Variants in USP26 observed in about 807,000 individuals in gnomAD.
USP26 encodes the protein ubiquitin carboxyl-terminal hydrolase 26.
For missense variants in USP26, 649 were observed against 642.3 expected, an observed-to-expected ratio of 1.01 and a Z score of -0.11; for synonymous variants, 236 against 240.6, an observed-to-expected ratio of 0.98 and a Z score of 0.18.
At chrX:133,054,119 G>A (rs1458621111) in intron 5 of USP26, among the ~76,000 whole-genome samples, 2 of 111,657 alleles carry the variant, frequency 1.8e-5, no homozygotes, top group African/African-American at 6.5e-5. Context: ...CTATTTTCTA[G>A]TCCTTACAGT....
intron 5 of USP26, among the ~76,000 whole-genome samples, chrX:133,075,085 CA>C (rs2067543278): frequency 1.8e-5 from 2 of 111,379 alleles, no homozygotes; most frequent in South Asian, 7.7e-4. Flanking sequence ...TGTGTCCTCC[CA>C]CTTTTATACC....
chrX:133,029,953 A>G (rs2067370221), intron 5 of USP26, among the ~76,000 whole-genome samples: 1 of 111,804 alleles, frequency 8.9e-6, no homozygotes, highest in African/African-American at 3.2e-5. Flanking sequence ...CATCCCTAAG[A>G]CATCTCAAGC....
At chrX:133,033,302 T>C (rs756929018) in intron 5 of USP26, among the ~76,000 whole-genome samples, 10 of 112,203 alleles carry the variant, frequency 8.9e-5, no homozygotes, top group Non-Finnish European at 1.9e-4. Flanking sequence ...GGTGCATTTC[T>C]GTACTCAACA....
chrX:133,044,947 G>A (rs1460231194), intron 5 of USP26, among the ~76,000 whole-genome samples: 1 of 110,442 alleles, frequency 9.1e-6, no homozygotes, highest in Non-Finnish European at 1.9e-5. Flanking sequence ...GCACCAATCA[G>A]TGCTCTGTAT....
At chrX:133,048,760 A>C (rs972294497) in intron 5 of USP26, among the ~76,000 whole-genome samples, 1 of 105,405 alleles carries the variant, frequency 9.5e-6, no homozygotes, top group Non-Finnish European at 2.0e-5. Flanking sequence ...GTTAGCCAGG[A>C]TGGTCTCGAT....
At chrX:133,064,619 A>T (rs1488819661) in intron 5 of USP26, among the ~76,000 whole-genome samples, 1 of 112,143 alleles carries the variant, frequency 8.9e-6, no homozygotes, top group African/African-American at 3.2e-5. Flanking sequence ...CTGCTCCTGA[A>T]TGACTACTAG....
intron 5 of USP26, among the ~76,000 whole-genome samples, chrX:133,059,617 G>C (rs1483872274): frequency 9.2e-6 from 1 of 109,238 alleles, no homozygotes; most frequent in Non-Finnish European, 1.9e-5. Flanking sequence ...GGCTCCCTGG[G>C]ATCACAGGAT....
intron 5 of USP26, among the ~76,000 whole-genome samples, chrX:133,053,109 A>T (rs2067464834): frequency 8.9e-6 from 1 of 112,544 alleles, no homozygotes; most frequent in African/African-American, 3.2e-5. Context: ...GACCCCACTC[A>T]TATACCATGT....
chrX:133,031,224 G>T (rs1382161534), intron 5 of USP26, among the ~76,000 whole-genome samples: 1 of 112,163 alleles, frequency 8.9e-6, no homozygotes, highest in Non-Finnish European at 1.9e-5. Flanking sequence ...ACCCATGAAT[G>T]CAGTAAGTGG....
chrX:133,077,634 C>G lies in USP26; in HGVS notation c.-77+6073G>C, dbSNP rs772909520. Among the ~76,000 whole-genome samples the G allele has an allele frequency of 1.1e-4, 12 of 111,873 alleles. 1 individual carries two copies. The highest frequency in any genetic ancestry group is 2.1e-4 in the Non-Finnish European group (11 of 53,222). On this transcript the variant is annotated intron_variant, in intron 5 of 5. Transcript: ENST00000511190. ...TGCCCCAATATAGTTTGGATGTATG[C>G]TCCCTCCAAATCTCATGTTGAAATA...
intron 5 of USP26, among the ~76,000 whole-genome samples, chrX:133,083,436 G>A (rs1313772113): frequency 2.9e-5 from 2 of 68,575 alleles, no homozygotes; most frequent in Non-Finnish European, 5.3e-5. Context: ...GGGTGACTTC[G>A]TTTTGATCAA....
chrX:133,053,564 A>C (rs1320075855), intron 5 of USP26, among the ~76,000 whole-genome samples: 1 of 110,257 alleles, frequency 9.1e-6, no homozygotes, highest in East Asian at 2.8e-4. Context: ...GGAAAAAAAA[A>C]GTATAGAGGG....
intron 5 of USP26, among the ~76,000 whole-genome samples, chrX:133,072,080 G>A (rs1351573589): frequency 8.9e-6 from 1 of 111,779 alleles, no homozygotes; most frequent in East Asian, 2.8e-4. Flanking sequence ...GGCACCCAAT[G>A]TAATCCTTGA....
chrX:133,037,952 A>T (rs1212754724), intron 5 of USP26, among the ~76,000 whole-genome samples: 1 of 111,171 alleles, frequency 9.0e-6, no homozygotes, highest in Admixed American at 9.6e-5. Context: ...TTTACTCATG[A>T]TTTGGCTCTC....
chrX:133,058,628 T>C (rs913496401), intron 5 of USP26, among the ~76,000 whole-genome samples: 2 of 111,675 alleles, frequency 1.8e-5, no homozygotes, highest in Non-Finnish European at 3.8e-5. Context: ...TCTTCCTCCA[T>C]CTCTTTCCTT....
At chrX:133,092,160 T>A (rs1469516599) in intron 1 of USP26, among the ~76,000 whole-genome samples, 1 of 111,982 alleles carries the variant, frequency 8.9e-6, no homozygotes, top group African/African-American at 3.2e-5. Flanking sequence ...CAGACAAGAC[T>A]ATTGCTTCAG....
chrX:133,048,035 C>G (rs2067446417), intron 5 of USP26, among the ~76,000 whole-genome samples: 1 of 111,958 alleles, frequency 8.9e-6, no homozygotes, highest in South Asian at 3.7e-4. Flanking sequence ...CAATTTTAAA[C>G]CATTACATCA....
At chrX:133,030,685 T>C (rs1358840603) in intron 5 of USP26, among the ~76,000 whole-genome samples, 4 of 112,574 alleles carry the variant, frequency 3.6e-5, no homozygotes, top group South Asian at 3.7e-4. Flanking sequence ...GCTTTCATTA[T>C]TTCAAGAGGT....
intron 5 of USP26, among the ~76,000 whole-genome samples, chrX:133,038,552 C>T (rs911326450): frequency 9.8e-5 from 11 of 111,832 alleles, no homozygotes; most frequent in African/African-American, 3.6e-4. Context: ...TGATGAGCTG[C>T]TGGATTCAGT....
Sources: gnomAD v4.1 joint callset for allele counts (sites outside exome capture counted in the v4.1 genomes callset) on GRCh38, gnomAD v4.1.1 for gene constraint, MANE v1.5 for transcripts, NCBI Gene and HGNC (gene_info 2026-07-23, HGNC 2026-07-21) for gene names.